MAP7: variants seen among roughly 807,000 people sequenced by gnomAD.
MAP7 encodes ensconsin.
In MAP7, 52 loss-of-function variants were observed where a neutral mutation model predicts 94.8. The ratio of observed to expected loss-of-function variants is 0.55; its 90% CI spans 0.44 to 0.69. MAP7 has a LOEUF of 0.69. Among genes scored for constraint, MAP7 ranks in the 30% least tolerant of loss-of-function variants. The pLI, the probability that MAP7 is intolerant of heterozygous loss-of-function variation, is 0.00. For missense variants in MAP7, 940 were observed against 964.6 expected (o/e 0.97, Z 0.34); for synonymous variants, 350 against 357.0 (o/e 0.98, Z 0.22).
At chr6:136,391,673 C>CA (rs60810064) in intron 3 of MAP7, among the ~76,000 whole-genome samples, 106,226 of 143,884 alleles carry the variant, frequency 0.74, 39,055 homozygotes, top group Middle Eastern at 0.81. Context: ...AACTATTATT[C>CA]AAAAAAAAAA....
At chr6:136,544,603 G>T (rs1193252307) in intron 1 of MAP7, among the ~76,000 whole-genome samples, 4 of 152,066 alleles carry the variant, frequency 2.6e-5, no homozygotes, top group African/African-American at 9.7e-5. Flanking sequence ...ACCCCTTTGT[G>T]GTTTTTCTGA....
chr6:136,472,718 G>T (rs548328052), intron 1 of MAP7, among the ~76,000 whole-genome samples: 103 of 152,066 alleles, frequency 6.8e-4, no homozygotes, highest in Admixed American at 1.4e-3. Flanking sequence ...AACCTAATTT[G>T]CATACAGCCT....
Position 136,388,428 on chromosome 6 carries a change from C to A in MAP7, c.491G>T (p.Gly164Val), listed in dbSNP as rs1350613965. 3.1e-6 allele frequency: 5 copies of A among 1,614,102 alleles called. No individual in the cohort carries two copies. The highest frequency in any genetic ancestry group is 4.2e-6 in the Non-Finnish European group (5 of 1,179,970). The change falls in exon 5 of 18, where the codon GGC (glycine) becomes GTC (valine). Residue 164 changes from glycine (G) to valine (V), a missense_variant. Physicochemically the swap from Gly to Val is moderately radical, Grantham distance 109. Transcript: ENST00000354570. ...KQKHNRWSWG[G>V]SLHGSPSIHS... ...GATGCTAGGGCTCCCATGGAGAGAG[C>A]CTCCCCACGACCAACGGTTATGCTT...
At position 136,400,288 on chromosome 6, in the gene MAP7, C is replaced by T. The variant is rs1011811606; in HGVS notation, c.245-10771G>A. 1.2e-4 allele frequency among the ~76,000 whole-genome samples: 18 copies of T among 151,944 alleles called. No homozygotes were observed. In the Middle Eastern group the frequency reaches 0.01, roughly 86 times the overall value. On this transcript the variant is annotated intron_variant, in intron 3 of 17. Coordinates refer to ENST00000354570, the MANE Select transcript of MAP7 (RefSeq NM_003980.6). ...AAAATTAGCCAGGCGTGGTGGTGGGCGCCTGTAGTCCCAACTACTAGGGAG... is the reference window on the plus strand; with the variant it reads ...AAAATTAGCCAGGCGTGGTGGTGGGTGCCTGTAGTCCCAACTACTAGGGAG...
chr6:136,396,467 G>T (rs1782521561), intron 3 of MAP7, among the ~76,000 whole-genome samples: 1 of 151,836 alleles, frequency 6.6e-6, no homozygotes, highest in African/African-American at 2.4e-5. Flanking sequence ...AGCTTTTAGG[G>T]GTTTTTATAT....
rs183393235 is a variant in MAP7, at chr6:136,454,034, T to C, written c.68-32235A>G. ...AGTTGTTCCTTTTCAATGCCTCATC[T>C]CCATATTTACATTTCAACCACTTGG... On this transcript the variant is annotated intron_variant, in intron 1 of 17. Transcript: ENST00000354570. Among the ~76,000 whole-genome samples, 129 of 152,228 alleles carry C rather than the reference T, an allele frequency of 8.5e-4. No homozygotes were observed. In the Middle Eastern group the frequency reaches 0.031, roughly 36 times the overall value.
chr6:136,544,359 A>G (rs909331437), intron 1 of MAP7, among the ~76,000 whole-genome samples: 1 of 152,186 alleles, frequency 6.6e-6, no homozygotes. Context: ...TTATCTCACA[A>G]TCACTTCTAA....
chr6:136,514,836 G>A (rs1289894726), intron 1 of MAP7, among the ~76,000 whole-genome samples: 2 of 152,136 alleles, frequency 1.3e-5, no homozygotes, highest in Non-Finnish European at 2.9e-5. Flanking sequence ...AAGGGCCTTA[G>A]AATTTTCAGA....
chr6:136,376,859 T>C (rs546365728), intron 7 of MAP7, among the ~76,000 whole-genome samples: 92 of 152,298 alleles, frequency 6.0e-4, no homozygotes, highest in African/African-American at 2.2e-3. Context: ...CCACCAACAA[T>C]TATTACTTAA....
chr6:136,517,666 G>A (rs1825252665), intron 1 of MAP7, among the ~76,000 whole-genome samples: 1 of 152,182 alleles, frequency 6.6e-6, no homozygotes, highest in Non-Finnish European at 1.5e-5. Context: ...ATTTCCATAT[G>A]TAGCACTTTT....
At chr6:136,444,055 T>C (rs1371052906) in intron 1 of MAP7, among the ~76,000 whole-genome samples, 1 of 152,218 alleles carries the variant, frequency 6.6e-6, no homozygotes, top group African/African-American at 2.4e-5. Flanking sequence ...TGTTATACCA[T>C]GTCAAAATTT....
At chr6:136,387,669 A>G (rs867058782) in intron 5 of MAP7, among the ~76,000 whole-genome samples, 2 of 152,252 alleles carry the variant, frequency 1.3e-5, no homozygotes, top group Middle Eastern at 3.4e-3. Flanking sequence ...CAGGCCTGCT[A>G]AATCCAGAGA....
chr6:136,379,861 T>A (rs2128629074), intron 6 of MAP7, among the ~76,000 whole-genome samples: 1 of 152,356 alleles, frequency 6.6e-6, no homozygotes, highest in Middle Eastern at 3.4e-3. Flanking sequence ...CCTGATACTC[T>A]GAACTAAACA....
At chr6:136,370,155 A>G (rs1488451549) in intron 8 of MAP7, among the ~76,000 whole-genome samples, 1 of 152,248 alleles carries the variant, frequency 6.6e-6, no homozygotes, top group Admixed American at 6.5e-5. Context: ...TGAAAAGCCA[A>G]CAAGCATATG....
chr6:136,376,895 C>A (rs566567700), intron 7 of MAP7, among the ~76,000 whole-genome samples: 2 of 152,338 alleles, frequency 1.3e-5, no homozygotes, highest in Admixed American at 1.3e-4. Context: ...CATGGAGAGG[C>A]TTGCAAGGGC....
intron 1 of MAP7, among the ~76,000 whole-genome samples, chr6:136,493,121 C>CTTTTTTTTTTT (rs397795796): frequency 8.9e-5 from 11 of 123,324 alleles, no homozygotes; most frequent in African/African-American, 1.6e-4. Context: ...TTCTTCTTTC[C>CTTTTTTTTTTT]TTTTTTTTTT....
intron 1 of MAP7, chr6:136,526,214 G>A (rs1827813403): frequency 1.6e-6 from 2 of 1,214,262 alleles, no homozygotes; most frequent in Non-Finnish European, 2.1e-6. Flanking sequence ...CCCTCCCACT[G>A]ACTCCCCGAC....
chr6:136,354,820 T>G (rs561577598), intron 16 of MAP7, among the ~76,000 whole-genome samples: 1 of 152,334 alleles, frequency 6.6e-6, no homozygotes, highest in South Asian at 2.1e-4. Context: ...AGTAAAATTA[T>G]TTTTCAGGTT....
At chr6:136,471,225 A>G (rs1297577888) in intron 1 of MAP7, among the ~76,000 whole-genome samples, 1 of 152,230 alleles carries the variant, frequency 6.6e-6, no homozygotes, top group Non-Finnish European at 1.5e-5. Flanking sequence ...CCAGTCTATT[A>G]TTTGATGCAA....
Sources: gnomAD v4.1 joint callset for allele counts (sites outside exome capture counted in the v4.1 genomes callset) on GRCh38, gnomAD v4.1.1 for gene constraint, MANE v1.5 for transcripts, NCBI Gene and HGNC (gene_info 2026-07-23, HGNC 2026-07-21) for gene names.